MAF: variants seen among roughly 807,000 people sequenced by gnomAD.
The protein encoded by MAF is MAF bZIP transcription factor.
In MAF, 10 loss-of-function variants were observed where a neutral mutation model predicts 22.0. The ratio of observed to expected loss-of-function variants is 0.45; its 90% confidence interval spans 0.28 to 0.77. The LOEUF is 0.77. Ranked by LOEUF, MAF falls within the 30% of genes least tolerant of loss-of-function variation. The probability of loss-of-function intolerance (pLI) is 0.12; values close to 1 mark genes in which losing one functional copy is unlikely to be tolerated. For synonymous variants in MAF, 337 were observed against 255.8 expected (o/e 1.32, Z -3.03); for missense variants, 544 against 548.4 (o/e 0.99, Z 0.08).
chr16:79,246,178 C>T, the MAF span, among the ~76,000 whole-genome samples: 6 of 152,028 alleles, frequency 3.9e-5, no homozygotes, highest in African/African-American at 7.2e-5. Context: ...GCACATTCTG[C>T]GCATGTGCCC....
the MAF span, among the ~76,000 whole-genome samples, chr16:79,493,738 T>C: frequency 3.9e-5 from 6 of 152,208 alleles, no homozygotes; most frequent in African/African-American, 1.4e-4. Flanking sequence ...GCATTATGAG[T>C]ATGTGCATTA....
Position 79,599,989 on chromosome 16 carries a change from G to T in MAF, c.-87C>A. 3 of 1,575,880 alleles carry T rather than the reference G, an allele frequency of 1.9e-6. No homozygotes were observed. The highest frequency in any genetic ancestry group is 2.6e-6 in the Non-Finnish European group (3 of 1,163,948). The stretch of plus-strand genomic sequence containing the variant: ...AGCGGGCTGTGCTGGGTGGCCAGCG[G>T]GTGAGCCAGCTTGCCGGGCTGGGGC... On this transcript the variant is annotated 5_prime_UTR_variant, in exon 1 of 2. Coordinates refer to ENST00000326043, the MANE Select transcript of MAF (RefSeq NM_005360.5).
chr16:79,319,939 A>C, the MAF span, among the ~76,000 whole-genome samples: 1 of 152,216 alleles, frequency 6.6e-6, no homozygotes, highest in East Asian at 1.9e-4. Context: ...AGTTAAGGTC[A>C]ATCTTGAACT....
the MAF span, among the ~76,000 whole-genome samples, chr16:79,406,248 C>G: frequency 6.6e-6 from 1 of 152,222 alleles, no homozygotes; most frequent in Admixed American, 6.5e-5. Context: ...GTCTCAGGGT[C>G]TGTTTCAGGC....
At chr16:79,347,833 T>C in the MAF span, among the ~76,000 whole-genome samples, 1 of 152,136 alleles carries the variant, frequency 6.6e-6, no homozygotes, top group African/African-American at 2.4e-5. Flanking sequence ...TCAGGAACCA[T>C]GGATTCTTTT....
At chr16:79,221,668 T>C in the MAF span, among the ~76,000 whole-genome samples, 1 of 152,150 alleles carries the variant, frequency 6.6e-6, no homozygotes, top group East Asian at 1.9e-4. Flanking sequence ...GATAAGAGTG[T>C]ATGTGATTAT....
chr16:79,210,213 C>G, the MAF span, among the ~76,000 whole-genome samples: 5 of 152,210 alleles, frequency 3.3e-5, no homozygotes, highest in South Asian at 2.1e-4. Context: ...TACTAGATAT[C>G]CTGACACTGA....
the MAF span, among the ~76,000 whole-genome samples, chr16:79,254,599 T>C: frequency 6.6e-6 from 1 of 152,204 alleles, no homozygotes; most frequent in Non-Finnish European, 1.5e-5. Context: ...GGAAAAGGTA[T>C]TGTCAGAGCC....
the MAF span, among the ~76,000 whole-genome samples, chr16:79,524,731 C>G: frequency 6.6e-6 from 1 of 152,174 alleles, no homozygotes; most frequent in Admixed American, 6.5e-5. Flanking sequence ...TATCATCTAG[C>G]AATAAAATAT....
the MAF span, among the ~76,000 whole-genome samples, chr16:79,280,100 C>G: frequency 6.6e-6 from 1 of 152,208 alleles, no homozygotes; most frequent in African/African-American, 2.4e-5. Context: ...GCTCGATAAG[C>G]TGCCCTATTA....
chr16:79,464,049 C>A, the MAF span, among the ~76,000 whole-genome samples: 1 of 152,002 alleles, frequency 6.6e-6, no homozygotes, highest in South Asian at 2.1e-4. Context: ...GGATCGGGAG[C>A]AGATGATGCA....
At chr16:79,269,755 G>A in the MAF span, among the ~76,000 whole-genome samples, 1 of 152,144 alleles carries the variant, frequency 6.6e-6, no homozygotes, top group Non-Finnish European at 1.5e-5. Flanking sequence ...ATCGCCCTGA[G>A]TGAGGGGTGA....
At chr16:79,465,871 C>A in the MAF span, among the ~76,000 whole-genome samples, 1 of 152,072 alleles carries the variant, frequency 6.6e-6, no homozygotes, top group South Asian at 2.1e-4. Context: ...GGGAAAAGTG[C>A]CTAATATATG....
the MAF span, among the ~76,000 whole-genome samples, chr16:79,275,364 G>C: frequency 6.6e-6 from 1 of 152,130 alleles, no homozygotes; most frequent in South Asian, 2.1e-4. Context: ...GAGAATAATA[G>C]TTAACTATTT....
chr16:79,365,775 C>T, the MAF span, among the ~76,000 whole-genome samples: 18 of 152,270 alleles, frequency 1.2e-4, no homozygotes, highest in South Asian at 2.7e-3. Context: ...GGTGAAGTTT[C>T]CTAGAACCAT....
At chr16:79,441,311 T>A in the MAF span, among the ~76,000 whole-genome samples, 827 of 152,332 alleles carry the variant, frequency 5.4e-3, 7 homozygotes, top group African/African-American at 0.017. Flanking sequence ...TTCCTGTTTT[T>A]CCCAAGCTCC....
chr16:79,478,020 C>A, the MAF span, among the ~76,000 whole-genome samples: 12 of 152,236 alleles, frequency 7.9e-5, no homozygotes, highest in African/African-American at 2.2e-4. Flanking sequence ...TGCGCCTGGC[C>A]GTGACTTTTA....
chr16:79,312,030 A>G, the MAF span, among the ~76,000 whole-genome samples: 1 of 152,122 alleles, frequency 6.6e-6, no homozygotes, highest in East Asian at 1.9e-4. Context: ...AGTAGCTTGC[A>G]AAACTCTCAA....
At chr16:79,412,197 T>A in the MAF span, among the ~76,000 whole-genome samples, 1 of 152,286 alleles carries the variant, frequency 6.6e-6, no homozygotes, top group African/African-American at 2.4e-5. Context: ...ATGGCAAAGA[T>A]GAGCTTTCAG....
Sources: allele counts gnomAD v4.1 joint callset (sites outside exome capture counted in the v4.1 genomes callset), GRCh38; gene constraint gnomAD v4.1.1; transcripts MANE v1.5; gene names NCBI Gene and HGNC (gene_info 2026-07-23, HGNC 2026-07-21).